VPS53: variants seen among roughly 807,000 people sequenced by gnomAD.
The protein encoded by VPS53 is vacuolar protein sorting-associated protein 53 homolog.
Under a neutral mutation model 107.0 loss-of-function variants are expected in VPS53, and 70 were observed. The observed-to-expected ratio is 0.65, with a 90% CI of 0.54 to 0.80. VPS53 has a LOEUF of 0.80. VPS53 is among the 30% of genes least tolerant of loss of function. VPS53 has a pLI of 0.00. For missense variants in VPS53, 917 were observed against 1,049.4 expected (o/e 0.87, Z 1.74); for synonymous variants, 409 against 393.3 (o/e 1.04, Z -0.47).
At chr17:568,538 T>C (rs1472752216) in intron 13 of VPS53, among the ~76,000 whole-genome samples, 1 of 152,140 alleles carries the variant, frequency 6.6e-6, no homozygotes, top group African/African-American at 2.4e-5. Context: ...CGAGCAACCA[T>C]GCCCGACCCT....
At position 513,285 on chromosome 17, in the gene VPS53, C is replaced by A. The variant is rs895040379; in HGVS notation, c.*5843G>T. ...TGCTCCAACATGCAGGCAGAAATCA[C>A]TTCCAGATGGAGAAAATGAAAGCTA... On this transcript the variant is annotated 3_prime_UTR_variant, in exon 22 of 22. Transcript: ENST00000437048. 14 of 152,208 alleles carry A rather than the reference C, an allele frequency of 9.2e-5. No homozygotes were observed. Among genetic ancestry groups the A allele is most frequent in the African/African-American group, 3.1e-4 (13 of 41,454 alleles). 9.4% of individuals were successfully genotyped at this position (152,208 alleles called of 1,614,324 possible). A position where few individuals can be genotyped will look rare whatever the true frequency, so the allele number is the denominator to read the frequency against.
At chr17:596,586 T>C (rs563748198) in intron 12 of VPS53, among the ~76,000 whole-genome samples, 19 of 152,346 alleles carry the variant, frequency 1.2e-4, no homozygotes, top group South Asian at 4.1e-4. Context: ...GCAGCACTTC[T>C]AGTGAGCTGA....
chr17:651,802 C>A (rs566900508), intron 7 of VPS53, among the ~76,000 whole-genome samples: 4 of 152,276 alleles, frequency 2.6e-5, no homozygotes, highest in South Asian at 4.2e-4. Context: ...GTTCTTCCTG[C>A]CCCTCCTTCT....
intron 1 of VPS53, 46 bp downstream of exon 1, chr17:714,576 TC>T: frequency 6.5e-7 from 1 of 1,545,590 alleles, no homozygotes; most frequent in Non-Finnish European, 8.8e-7. Context: ...AGCTGCCGTC[TC>T]CCCTCCCGCA....
At chr17:668,152 T>C (rs1320622687) in intron 4 of VPS53, among the ~76,000 whole-genome samples, 1 of 152,154 alleles carries the variant, frequency 6.6e-6, no homozygotes, top group Non-Finnish European at 1.5e-5. Flanking sequence ...AGCACTCCTA[T>C]AGAGCCCATA....
intron 19 of VPS53, among the ~76,000 whole-genome samples, chr17:525,723 C>T (rs952848618): frequency 2.7e-5 from 4 of 150,672 alleles, no homozygotes; most frequent in African/African-American, 4.9e-5. Context: ...ATGGGCCAGG[C>T]GCGGTGTCTC....
intron 4 of VPS53, among the ~76,000 whole-genome samples, chr17:682,412 G>A (rs1972429952): frequency 6.6e-6 from 1 of 152,174 alleles, no homozygotes; most frequent in South Asian, 2.1e-4. Context: ...AGGTAACCAA[G>A]CATCCTGAAA....
chr17:606,273 C>T (rs923149178), intron 11 of VPS53, among the ~76,000 whole-genome samples: 1 of 152,100 alleles, frequency 6.6e-6, no homozygotes, highest in Non-Finnish European at 1.5e-5. Context: ...TGAGATGGGG[C>T]ACCCTCGTGT....
At chr17:586,180 G>T in intron 13 of VPS53, 90 bp downstream of exon 13, 3 of 1,183,548 alleles carry the variant, frequency 2.5e-6, no homozygotes, top group Non-Finnish European at 3.8e-6. Context: ...CCATCTTTCA[G>T]CCCCGGAAGG....
At chr17:521,408 G>A (rs373360904) in intron 20 of VPS53, among the ~76,000 whole-genome samples, 193 bp downstream of exon 20, 1 of 152,226 alleles carries the variant, frequency 6.6e-6, no homozygotes, top group South Asian at 2.1e-4. Flanking sequence ...TTGTCAGAAG[G>A]AATTACTGAG....
intron 4 of VPS53, among the ~76,000 whole-genome samples, chr17:681,049 T>A (rs2143787909): frequency 6.6e-6 from 1 of 152,366 alleles, no homozygotes; most frequent in South Asian, 2.1e-4. Context: ...ATGATAAATA[T>A]ATTACATGTT....
chr17:573,749 C>G (rs1372080752), intron 13 of VPS53, among the ~76,000 whole-genome samples: 1 of 152,176 alleles, frequency 6.6e-6, no homozygotes, highest in Non-Finnish European at 1.5e-5. Flanking sequence ...AAGCGCGAAG[C>G]CTCACATCTA....
intron 4 of VPS53, among the ~76,000 whole-genome samples, chr17:667,882 G>A (rs532824617): frequency 1.3e-5 from 2 of 152,232 alleles, no homozygotes; most frequent in African/African-American, 2.4e-5. Context: ...TCTCATAGGA[G>A]CGCGAACCCT....
intron 11 of VPS53, among the ~76,000 whole-genome samples, chr17:609,294 T>G (rs1968729134): frequency 6.6e-6 from 1 of 152,318 alleles, no homozygotes; most frequent in East Asian, 1.9e-4. Flanking sequence ...GCATGGTGTG[T>G]CCAAGGTTCA....
rs1326879454 is a variant in VPS53 at position 524,191 on chromosome 17, C to T, written c.2086-2453G>A. The stretch of plus-strand genomic sequence containing the variant: ...GCGCATGCCTGTAATCCCAGCTACT[C>T]GGGAGGCTGAGGCAGGAGAATTGCT... On this transcript the variant is annotated intron_variant, in intron 19 of 21. Transcript: ENST00000437048. This position sits in a 1 kb window ranked among gnomAD's most constrained non-coding sequence, Gnocchi z 4.5. Among the ~76,000 whole-genome samples, 14 of 151,806 alleles carry T rather than the reference C, an allele frequency of 9.2e-5. No homozygotes were observed. Among genetic ancestry groups the T allele is most frequent in the Admixed American group, 8.5e-4 (13 of 15,234 alleles).
chr17:583,725 C>G (rs565405534), intron 13 of VPS53, among the ~76,000 whole-genome samples: 1 of 151,576 alleles, frequency 6.6e-6, no homozygotes, highest in Admixed American at 6.6e-5. Context: ...CCCAGAGAAT[C>G]TCCCTCAGAA....
At chr17:569,725 C>T (rs895192878) in intron 13 of VPS53, among the ~76,000 whole-genome samples, 7 of 151,920 alleles carry the variant, frequency 4.6e-5, no homozygotes, top group African/African-American at 1.2e-4. Context: ...TCCAAACCAG[C>T]CTGGCCAACA....
chr17:659,547 C>T (rs1971362435), intron 5 of VPS53, among the ~76,000 whole-genome samples: 1 of 152,186 alleles, frequency 6.6e-6, no homozygotes, highest in African/African-American at 2.4e-5. Context: ...TCCCAAACTG[C>T]TGGGATTACA....
chr17:610,283 GAAT>G (rs1645889119), intron 11 of VPS53, among the ~76,000 whole-genome samples: 3 of 152,050 alleles, frequency 2.0e-5, no homozygotes, highest in South Asian at 4.1e-4. Context: ...AGTATCTATA[GAAT>G]AAAATCTTTC....
Sources: allele counts gnomAD v4.1 joint callset (sites outside exome capture counted in the v4.1 genomes callset), GRCh38; gene constraint gnomAD v4.1.1; non-coding constraint Gnocchi (gnomAD v3.1); transcripts MANE v1.5; gene names NCBI Gene and HGNC (gene_info 2026-07-23, HGNC 2026-07-21).